Variants in SORCS2 observed in about 807,000 individuals in gnomAD.
SORCS2 encodes sortilin related VPS10 domain containing receptor 2, also known as VPS10 domain-containing receptor SorCS2.
In SORCS2, 100 loss-of-function variants were observed where a neutral mutation model predicts 141.6. The ratio of observed to expected loss-of-function variants is 0.71; its 90% confidence interval spans 0.60 to 0.83. The LOEUF is 0.83. SORCS2 is among the 40% of genes least tolerant of loss of function. The pLI is 0.00. For synonymous variants in SORCS2, 789 were observed against 676.9 expected, an observed-to-expected ratio of 1.17 and a Z score of -2.57; for missense variants, 1,646 against 1,560.2, an observed-to-expected ratio of 1.05 and a Z score of -0.93.
At chr4:7,389,292 G>C (rs887805914) in intron 1 of SORCS2, among the ~76,000 whole-genome samples, 4 of 152,202 alleles carry the variant, frequency 2.6e-5, no homozygotes, top group Non-Finnish European at 5.9e-5. Context: ...TACTGATGTG[G>C]AGTGAATTTG....
intron 1 of SORCS2, among the ~76,000 whole-genome samples, chr4:7,282,368 G>A (rs1715939201): frequency 6.6e-6 from 1 of 152,222 alleles, no homozygotes; most frequent in Non-Finnish European, 1.5e-5. Flanking sequence ...ACATTATGAT[G>A]TTTGGGGAAA....
rs1405150331 is a variant in SORCS2, at chr4:7,233,752, C to T, written c.480+40626C>T. On this transcript the variant is annotated intron_variant, in intron 1 of 26. Transcript: ENST00000507866. This position sits in a 1 kb window ranked among gnomAD's most constrained non-coding sequence, Gnocchi z 4.5. ...TGAGTCCTGTCTCTGGCTCTGCCCA[C>T]CTGGGCCTCAGGCGAGCCTGTACTC... 1.3e-5 allele frequency among the ~76,000 whole-genome samples: 2 copies of T among 152,172 alleles called. No individual in the cohort carries two copies. The highest frequency in any genetic ancestry group is 4.8e-5 in the African/African-American group (2 of 41,422).
At chr4:7,305,295 T>C (rs372802917) in intron 1 of SORCS2, among the ~76,000 whole-genome samples, 1 of 152,050 alleles carries the variant, frequency 6.6e-6, no homozygotes, top group African/African-American at 2.4e-5. Flanking sequence ...CCTCCCAAAG[T>C]GCTGGGATCA....
intron 2 of SORCS2, among the ~76,000 whole-genome samples, chr4:7,419,322 C>T (rs997006082): frequency 1.3e-5 from 2 of 152,076 alleles, no homozygotes; most frequent in East Asian, 3.9e-4. Flanking sequence ...TGGAGAAGAC[C>T]TTTTTGCTGG....
chr4:7,424,191 G>A (rs1726273308), intron 2 of SORCS2, among the ~76,000 whole-genome samples: 1 of 152,218 alleles, frequency 6.6e-6, no homozygotes, highest in African/African-American at 2.4e-5. Flanking sequence ...GCCCAGCGAG[G>A]GGACTCTGCT....
intron 2 of SORCS2, among the ~76,000 whole-genome samples, chr4:7,471,560 C>T (rs982363309): frequency 9.2e-5 from 14 of 152,348 alleles, no homozygotes; most frequent in Admixed American, 3.9e-4. Context: ...GGCCCTCCAG[C>T]GGGGCTCGCC....
intron 1 of SORCS2, among the ~76,000 whole-genome samples, chr4:7,373,487 T>TAA (rs1560228581): frequency 2.8e-5 from 1 of 36,060 alleles, no homozygotes; most frequent in African/African-American, 6.7e-5. Flanking sequence ...TATTTTTTTT[T>TAA]TTTTTTTTTT....
In SORCS2 at chr4:7,734,316, G is replaced by T; in HGVS notation, c.3253G>T (p.Val1085Leu). The T allele has an allele frequency of 6.2e-7, 1 of 1,602,612 alleles. No individual in the cohort carries two copies. The highest frequency in any genetic ancestry group is 1.3e-5 in the African/African-American group (1 of 74,814). Residue 1085 changes from valine to leucine, a missense_variant, in exon 25 of 27, where the codon GTG becomes TTG. Transcript: ENST00000507866. ...CGGTGGCGGCTACTGGGCGGTAGTG[G>T]TGCTGTTTGTCATCGGGCTCTTCGC... ...GGGGGYWAVVVLFVIGLFAAG... is the reference protein window; with the variant it reads ...GGGGGYWAVVLLFVIGLFAAG...
intron 3 of SORCS2, among the ~76,000 whole-genome samples, chr4:7,540,564 A>G (rs1036125639): frequency 2.6e-5 from 4 of 152,208 alleles, no homozygotes; most frequent in African/African-American, 2.4e-5. Context: ...AGCGAGAGCC[A>G]GGCTGCATGG....
intron 3 of SORCS2, among the ~76,000 whole-genome samples, chr4:7,604,917 C>T (rs900656400): frequency 6.6e-6 from 1 of 152,196 alleles, no homozygotes; most frequent in African/African-American, 2.4e-5. Flanking sequence ...GATTTGTCTC[C>T]TGACCCCTAC....
chr4:7,293,411 G>T (rs933853117), intron 1 of SORCS2, among the ~76,000 whole-genome samples: 1 of 152,070 alleles, frequency 6.6e-6, no homozygotes, highest in East Asian at 1.9e-4. Flanking sequence ...GACCTCCTGC[G>T]GTCCTTGTAG....
intron 2 of SORCS2, among the ~76,000 whole-genome samples, chr4:7,443,947 C>G (rs1288133616): frequency 6.6e-6 from 1 of 152,236 alleles, no homozygotes; most frequent in East Asian, 1.9e-4. Context: ...ACAATGGGCC[C>G]CACATGTCCA....
At chr4:7,364,689 AC>A (rs1721778282) in intron 1 of SORCS2, among the ~76,000 whole-genome samples, 1 of 152,218 alleles carries the variant, frequency 6.6e-6, no homozygotes, top group African/African-American at 2.4e-5. Context: ...TGGCTTGAGC[AC>A]TTGGCAGGTG....
At chr4:7,390,076 C>G (rs1236614324) in intron 1 of SORCS2, among the ~76,000 whole-genome samples, 1 of 152,146 alleles carries the variant, frequency 6.6e-6, no homozygotes, top group Admixed American at 6.5e-5. Flanking sequence ...GGGGGAGGCC[C>G]ACGGCTGTGC....
intron 1 of SORCS2, among the ~76,000 whole-genome samples, chr4:7,312,023 G>A (rs1052789761): frequency 6.6e-5 from 10 of 151,978 alleles, no homozygotes; most frequent in Non-Finnish European, 1.5e-4. Flanking sequence ...TTACAGGCAC[G>A]CACCACCACA....
At chr4:7,559,737 A>T (rs1380538373) in intron 3 of SORCS2, among the ~76,000 whole-genome samples, 1 of 152,210 alleles carries the variant, frequency 6.6e-6, no homozygotes, top group Non-Finnish European at 1.5e-5. Context: ...CTCACCTGTG[A>T]AATGGGATGA....
chr4:7,724,579 A>G (rs868263927), intron 19 of SORCS2, among the ~76,000 whole-genome samples: 592 of 37,538 alleles, frequency 0.016, 45 homozygotes, highest in African/African-American at 0.055. Context: ...GGTGATGGTG[A>G]TGGTGGTGGT....
At chr4:7,245,418 T>G (rs946556341) in intron 1 of SORCS2, among the ~76,000 whole-genome samples, 1 of 152,248 alleles carries the variant, frequency 6.6e-6, no homozygotes, top group Non-Finnish European at 1.5e-5. Flanking sequence ...ATTTTTCTGG[T>G]GGAACAATTA....
chr4:7,578,714 G>T (rs184225841), intron 3 of SORCS2, among the ~76,000 whole-genome samples: 1 of 152,142 alleles, frequency 6.6e-6, no homozygotes, highest in African/African-American at 2.4e-5. Context: ...TTCCCACCCC[G>T]ACTTGACGGC....
Sources: gnomAD v4.1 joint callset for allele counts (sites outside exome capture counted in the v4.1 genomes callset) on GRCh38, gnomAD v4.1.1 for gene constraint, Gnocchi (gnomAD v3.1) non-coding constraint, MANE v1.5 for transcripts, NCBI Gene and HGNC (gene_info 2026-07-23, HGNC 2026-07-21) for gene names.